The following PSME3 variants were observed in gnomAD, a reference collection of about 807,000 sequenced individuals.
PSME3 encodes the protein proteasome activator complex subunit 3.
A neutral mutation model predicts 38.3 loss-of-function variants in PSME3; 7 were observed. The ratio of observed to expected loss-of-function variants is 0.18; its 90% confidence interval spans 0.10 to 0.34. The LOEUF (loss-of-function observed/expected upper bound fraction) is 0.34. Among genes scored for constraint, PSME3 ranks in the 10% least tolerant of loss-of-function variants. PSME3 has a pLI of 1.00. For missense variants in PSME3, 192 were observed against 307.6 expected (o/e 0.62, Z 2.81); for synonymous variants, 108 against 105.7 (o/e 1.02, Z -0.13).
chr17:42,839,281 AC>A lies in PSME3; in HGVS notation c.598-10del, dbSNP rs1567681447. On this transcript the variant is annotated splice_polypyrimidine_tract_variant and intron_variant, in intron 9 of 10. Coordinates refer to ENST00000590720, the MANE Select transcript of PSME3 (RefSeq NM_005789.4). The stretch of plus-strand genomic sequence containing the variant: ...GCTTTGGGGACTAGCTTTTTCCTGT[AC>A]CCTCCTTGCAGGAGGACTATCGCCG... The A allele has an allele frequency of 6.2e-7, 1 of 1,606,684 alleles. No homozygotes were observed.
At chr17:42,836,402 C>T (rs2055464581) in intron 4 of PSME3, among the ~76,000 whole-genome samples, 1 of 152,106 alleles carries the variant, frequency 6.6e-6, no homozygotes, top group African/African-American at 2.4e-5. Context: ...ATAATGTGTT[C>T]CTTTGTGGAA....
Position 42,838,813 on chromosome 17 carries a change from A to G in PSME3, c.474+14A>G, listed in dbSNP as rs748947995. 5 of 1,587,778 alleles carry G rather than the reference A, an allele frequency of 3.1e-6. No homozygotes were observed. The highest frequency in any genetic ancestry group is 4.3e-6 in the Non-Finnish European group (5 of 1,156,308). ...GTGTCCATTCAGGTAATGTACTTGA[A>G]TTACATACTGGGAAGAGTGGCTTGG... is the stretch of plus-strand genomic sequence containing the variant. On this transcript the variant is annotated intron_variant, in intron 7 of 10. Coordinates refer to ENST00000590720, the MANE Select transcript of PSME3 (RefSeq NM_005789.4).
chr17:42,836,944 A>C (rs1470026674), intron 4 of PSME3, among the ~76,000 whole-genome samples: 2 of 151,362 alleles, frequency 1.3e-5, no homozygotes, highest in African/African-American at 4.9e-5. Flanking sequence ...GCAGTGGCAC[A>C]ATCTCGGCTC....
intron 6 of PSME3, 90 bp downstream of exon 6, chr17:42,838,295 G>C: frequency 1.9e-6 from 3 of 1,546,542 alleles, no homozygotes. Context: ...TATGGGAATT[G>C]GCAGACTAGG....
At chr17:42,834,179 G>A in intron 1 of PSME3, 165 bp from the exon 2 acceptor site, 1 of 1,524,684 alleles carries the variant, frequency 6.6e-7, no homozygotes, top group Non-Finnish European at 8.8e-7. Context: ...GCGTTCTTCT[G>A]AGATGGAAAA....
At position 42,838,082 on chromosome 17, in the gene PSME3, A is replaced by G. The variant is rs1301336754; in HGVS notation, c.293-11A>G. 6.2e-7 allele frequency: 1 copy of G among 1,614,098 alleles called. No individual in the cohort carries two copies. Among genetic ancestry groups the G allele is most frequent in the Admixed American group, 1.7e-5 (1 of 60,018 alleles). ...TCTTCCCTGATCATTTGACCTTCACATCTCTGCCAGGAACCAAGGTGTTTG... is the reference window on the plus strand; with the variant it reads ...TCTTCCCTGATCATTTGACCTTCACGTCTCTGCCAGGAACCAAGGTGTTTG... On this transcript the variant is annotated splice_polypyrimidine_tract_variant and intron_variant, in intron 5 of 10. Coordinates refer to ENST00000590720, the MANE Select transcript of PSME3 (RefSeq NM_005789.4).
At chr17:42,841,102 C>T (rs1441344520) in intron 10 of PSME3, among the ~76,000 whole-genome samples, 6 of 144,324 alleles carry the variant, frequency 4.2e-5, no homozygotes, top group East Asian at 2.0e-4. Flanking sequence ...CATTGCACTC[C>T]AGCCTGAGCG....
At position 42,843,602 on chromosome 17, in the gene PSME3, G is replaced by A. The variant is rs899690937; in HGVS notation, c.*2024G>A. The A allele has an allele frequency of 2.6e-5, 4 of 152,292 alleles. No homozygotes were observed. Among genetic ancestry groups the A allele is most frequent in the African/African-American group, 9.7e-5 (4 of 41,414 alleles). The allele number at this position is 152,292 out of a possible 1,614,324, so 9.4% of individuals were successfully genotyped here. ...TAAGGAATGAACTGGTTCAAGGCGC[G>A]TCCTACCCAGTCATTTTCTTTACCT... On this transcript the variant is annotated 3_prime_UTR_variant, in exon 11 of 11. Transcript: ENST00000590720.
rs988524889 is a variant in PSME3 at position 42,842,289 on chromosome 17, C to CAACCCCTGT, written c.*712_*720dup. On this transcript the variant is annotated 3_prime_UTR_variant, in exon 11 of 11. Coordinates refer to ENST00000590720, the MANE Select transcript of PSME3 (RefSeq NM_005789.4). ...TTAGCTAACATACCCTCCCTCTCCA[C>CAACCCCTGT]AACCCCTGTCACATACCTTTCAGGA... 10 of 152,752 alleles carry CAACCCCTGT rather than the reference C, an allele frequency of 6.5e-5. No homozygotes were observed. The highest frequency in any genetic ancestry group is 2.0e-4 in the Admixed American group (3 of 15,286). The allele number at this position is 152,752 out of a possible 1,614,324, so 9.5% of individuals were successfully genotyped here.
rs947351317 is a variant in PSME3, at chr17:42,833,430, G to A, written c.-202G>A. On this transcript the variant is annotated 5_prime_UTR_variant, in exon 1 of 11. Coordinates refer to ENST00000590720, the MANE Select transcript of PSME3 (RefSeq NM_005789.4). ...CGGCGTGAGCGGCGAAAGCCGGGAG[G>A]GCGAGCGAGAGAGCAAGCAGGCAGC... The A allele has an allele frequency of 4.8e-6, 3 of 622,508 alleles. No individual in the cohort carries two copies. Among genetic ancestry groups the A allele is most frequent in the Non-Finnish European group, 8.4e-6 (3 of 355,308 alleles). 38.6% of individuals were successfully genotyped at this position (622,508 alleles called of 1,614,324 possible).
intron 1 of PSME3, chr17:42,834,073 T>C (rs1035370680): frequency 1.0e-5 from 15 of 1,445,250 alleles, no homozygotes; most frequent in Non-Finnish European, 1.4e-5. Context: ...TACCTGTCTT[T>C]TGTCTGCTTA....
chr17:42,834,112 G>A, intron 1 of PSME3: 1 of 1,455,566 alleles, frequency 6.9e-7, no homozygotes, highest in Non-Finnish European at 9.0e-7. Flanking sequence ...AGACACAGGA[G>A]GAAGGGAGGG....
chr17:42,833,486 A>G lies in PSME3; in HGVS notation c.-146A>G. 3.1e-6 allele frequency: 3 copies of G among 959,832 alleles called. No individual in the cohort carries two copies. Among genetic ancestry groups the G allele is most frequent in the Admixed American group, 4.6e-5 (2 of 43,728 alleles). 59.5% of individuals were successfully genotyped at this position (959,832 alleles called of 1,614,324 possible). On this transcript the variant is annotated 5_prime_UTR_variant, in exon 1 of 11. Transcript: ENST00000590720. ...GCCGGCGGGCGGGCGGACGGCACAG[A>G]GGGAGGGAGCGAGCGAGCAGTGAGT...
rs777508168 is a variant in PSME3 at position 42,843,001 on chromosome 17, G to C, written c.*1423G>C. The C allele has an allele frequency of 6.6e-6, 1 of 152,634 alleles. No homozygotes were observed. The highest frequency in any genetic ancestry group is 2.4e-5 in the African/African-American group (1 of 41,364). 9.5% of individuals were successfully genotyped at this position (152,634 alleles called of 1,614,324 possible). On this transcript the variant is annotated 3_prime_UTR_variant, in exon 11 of 11. Transcript: ENST00000590720. The stretch of plus-strand genomic sequence containing the variant: ...GGGAGTCAGGATGCTGTCTTCCCAC[G>C]AATAGTACTCAGTAACAAACCAATT...
Position 42,838,934 on chromosome 17 carries a change from G to A in PSME3, c.475-11G>A, listed in dbSNP as rs1286352645. On this transcript the variant is annotated splice_polypyrimidine_tract_variant and intron_variant, in intron 7 of 10. Coordinates refer to ENST00000590720, the MANE Select transcript of PSME3 (RefSeq NM_005789.4). ...GTGGCTTTTGATGCACCTGTTGTTTGTTTGTTTTAGGAGGAAACAGTTGCA... is the reference window on the plus strand; with the variant it reads ...GTGGCTTTTGATGCACCTGTTGTTTATTTGTTTTAGGAGGAAACAGTTGCA... The A allele has an allele frequency of 1.2e-6, 2 of 1,613,916 alleles. No homozygotes were observed. The highest frequency in any genetic ancestry group is 4.5e-5 in the East Asian group (2 of 44,900).
chr17:42,834,228 G>A, intron 1 of PSME3, 116 bp from the exon 2 acceptor site: 2 of 1,582,030 alleles, frequency 1.3e-6, no homozygotes, highest in Non-Finnish European at 8.6e-7. Context: ...CAGTCTGGGG[G>A]CCTCTCAGCT....
chr17:42,837,759 A>T (rs977623221), intron 5 of PSME3, 62 bp downstream of exon 5: 14 of 1,542,362 alleles, frequency 9.1e-6, no homozygotes, highest in Non-Finnish European at 1.3e-5. Context: ...CCTGAGAAGC[A>T]GGATGGATCT....
chr17:42,834,133 A>G, intron 1 of PSME3: 2 of 1,473,436 alleles, frequency 1.4e-6, no homozygotes, highest in Non-Finnish European at 1.8e-6. Flanking sequence ...AAGGGGGAGG[A>G]CAGAGGAGAC....
rs529232908 is a variant in PSME3 at position 42,840,330 on chromosome 17, G to A, written c.684+950G>A. Among the ~76,000 whole-genome samples the A allele has an allele frequency of 3.3e-5, 5 of 151,486 alleles. No homozygotes were observed. The South Asian group carries it at 1.0e-3, about 31-fold the overall frequency. On this transcript the variant is annotated intron_variant, in intron 10 of 10. Coordinates refer to ENST00000590720, the MANE Select transcript of PSME3 (RefSeq NM_005789.4). ...AATAAAATGGGACTGAAGAGGCCGG[G>A]TGTGGTGGATCACACCTGTAATGCC...
Sources: gnomAD v4.1 joint callset for allele counts (sites outside exome capture counted in the v4.1 genomes callset) on GRCh38, gnomAD v4.1.1 for gene constraint, MANE v1.5 for transcripts, NCBI Gene and HGNC (gene_info 2026-07-23, HGNC 2026-07-21) for gene names.